ANO3: variants seen among roughly 807,000 people sequenced by gnomAD.
The protein encoded by ANO3 is anoctamin 3, also known as anoctamin-3.
In ANO3, 99 loss-of-function variants were observed where a neutral mutation model predicts 144.8. That is an observed-to-expected ratio of 0.68 (90% confidence interval 0.58 to 0.81). ANO3 has a LOEUF of 0.81. Ranked by LOEUF, ANO3 falls within the 30% of genes least tolerant of loss-of-function variation. ANO3 has a pLI of 0.00. For missense variants in ANO3, 905 were observed against 1,202.2 expected (o/e 0.75, Z 3.66); for synonymous variants, 414 against 392.6 (o/e 1.05, Z -0.64).
intron 1 of ANO3, among the ~76,000 whole-genome samples, chr11:26,209,864 G>C (rs530184627): frequency 7.9e-5 from 12 of 152,106 alleles, no homozygotes; most frequent in African/African-American, 2.9e-4. Context: ...ATTTGTTTAA[G>C]TTCTTTGTAG....
intron 26 of ANO3, 33 bp downstream of exon 26, chr11:26,656,514 G>C: frequency 7.6e-7 from 1 of 1,324,180 alleles, no homozygotes. Context: ...AATTACTATA[G>C]ATAAATGCTT....
At chr11:26,315,737 C>A (rs1854612415) in intron 1 of ANO3, among the ~76,000 whole-genome samples, 1 of 151,862 alleles carries the variant, frequency 6.6e-6, no homozygotes, top group African/African-American at 2.4e-5. Context: ...ACCTACCTAC[C>A]TAGCTATCTC....
intron 14 of ANO3, among the ~76,000 whole-genome samples, chr11:26,597,612 G>A (rs1188995141): frequency 6.6e-6 from 1 of 152,156 alleles, no homozygotes; most frequent in Admixed American, 6.5e-5. Flanking sequence ...GTGTGCAGTT[G>A]CAAGATTTAA....
At chr11:26,285,707 T>G (rs961829618) in intron 1 of ANO3, 1 of 152,212 alleles carries the variant, frequency 6.6e-6, no homozygotes, top group Non-Finnish European at 1.5e-5. Context: ...TAGAATCGTA[T>G]GTAATCATTC....
intron 14 of ANO3, among the ~76,000 whole-genome samples, chr11:26,595,844 G>C (rs1176187813): frequency 2.0e-5 from 3 of 152,058 alleles, no homozygotes; most frequent in Non-Finnish European, 4.4e-5. Flanking sequence ...TTTGATTTAG[G>C]ATAGCTCTGA....
intron 5 of ANO3, among the ~76,000 whole-genome samples, chr11:26,515,887 A>G (rs968326999): frequency 2.0e-5 from 3 of 152,032 alleles, no homozygotes; most frequent in African/African-American, 7.2e-5. Flanking sequence ...TAGAATGGAC[A>G]TAAACTTGTT....
intron 17 of ANO3, among the ~76,000 whole-genome samples, chr11:26,614,741 C>T (rs184744628): frequency 1.3e-5 from 2 of 152,254 alleles, no homozygotes; most frequent in African/African-American, 4.8e-5. Flanking sequence ...AGAAGTCCCC[C>T]TGACTCTGAG....
intron 14 of ANO3, among the ~76,000 whole-genome samples, chr11:26,595,457 G>GTTTTTTTTTTTTTTTTTTTTTTTTTT: frequency 1.5e-5 from 1 of 67,838 alleles, no homozygotes; most frequent in Non-Finnish European, 2.7e-5. Flanking sequence ...TTGAGATAGA[G>GTTTTTTTTTTTTTTTTTTTTTTTTTT]TTGTTTTTTT....
intron 4 of ANO3, among the ~76,000 whole-genome samples, chr11:26,475,104 A>G (rs944145887): frequency 2.0e-5 from 3 of 151,982 alleles, no homozygotes; most frequent in Non-Finnish European, 4.4e-5. Context: ...TGGTGGAAAG[A>G]GAATAATATA....
At chr11:26,329,159 A>C (rs1854968331), upstream of ANO3, among the ~76,000 whole-genome samples, 1 of 152,164 alleles carries the variant, frequency 6.6e-6, no homozygotes, top group Admixed American at 6.6e-5. Context: ...ATCCATTCTT[A>C]AACTGTCCAC....
chr11:26,477,252 C>T (rs111359919), intron 4 of ANO3, among the ~76,000 whole-genome samples: 3 of 152,064 alleles, frequency 2.0e-5, no homozygotes, highest in African/African-American at 7.2e-5. Flanking sequence ...AAGAATGGTC[C>T]TCAGATTTTA....
rs1473498653 is a variant in ANO3 at position 26,660,394 on chromosome 11, C to CAACA, written c.2898_2901dup (p.Gln968ThrfsTer13). Reference sequence around the variant, plus strand: ...GTATGAGGCTGAACTGGAACATTTGCAACAACAACGGAGAAAAAGTGGTCA... The same window carrying CAACA: ...GTATGAGGCTGAACTGGAACATTTGCAACAAACAACAACGGAGAAAAAGTGGTCA... On this transcript the variant is annotated frameshift_variant, in exon 27 of 27. Transcript: ENST00000256737. LOFTEE classifies it high-confidence loss of function. The CAACA allele has an allele frequency of 6.2e-7, 1 of 1,612,682 alleles. No individual in the cohort carries two copies. Among genetic ancestry groups the CAACA allele is most frequent in the South Asian group, 1.1e-5 (1 of 90,740 alleles).
At position 26,516,931 on chromosome 11, in the gene ANO3, C is replaced by A; in HGVS notation, c.692+4C>A. ...TGAATATCAGGATGCCCTTCAGGTA[C>A]TTTCAAATTTTACTTTATTTTATCT... On this transcript the variant is annotated splice_donor_region_variant and intron_variant, in intron 6 of 26. Transcript: ENST00000256737. 1.3e-6 allele frequency: 2 copies of A among 1,580,718 alleles called. No homozygotes were observed. Among genetic ancestry groups the A allele is most frequent in the Non-Finnish European group, 1.7e-6 (2 of 1,153,362 alleles).
intron 1 of ANO3, among the ~76,000 whole-genome samples, chr11:26,407,047 G>GGTGT (rs372391349): frequency 0.012 from 1,295 of 108,354 alleles, 25 homozygotes; most frequent in East Asian, 0.068. Flanking sequence ...TATATATATG[G>GGTGT]GTGTGTGTGT....
intron 26 of ANO3, 147 bp downstream of exon 26, chr11:26,656,628 T>C (rs1853698275): frequency 1.6e-6 from 1 of 616,454 alleles, no homozygotes; most frequent in Admixed American, 3.0e-5. Context: ...GAAAGCATTA[T>C]TACAAGTACA....
intron 4 of ANO3, among the ~76,000 whole-genome samples, chr11:26,485,393 C>T (rs1238449827): frequency 2.0e-5 from 3 of 151,986 alleles, no homozygotes; most frequent in Non-Finnish European, 4.4e-5. Flanking sequence ...GGGCACCTTC[C>T]TATTTGCTCT....
chr11:26,432,071 AT>A (rs1157605106), intron 1 of ANO3, among the ~76,000 whole-genome samples: 2 of 151,892 alleles, frequency 1.3e-5, no homozygotes, highest in Non-Finnish European at 2.9e-5. Context: ...AGCATCTGTT[AT>A]TTTTTGACAT....
In ANO3 at chr11:26,643,172, T is replaced by C; in HGVS notation, c.2276-10T>C. ...TTATATAGTAATTTCCTAATGCTCT[T>C]CTTTTGCAGTTTTGCAATTTGGTTT... is the stretch of plus-strand genomic sequence containing the variant. On this transcript the variant is annotated splice_polypyrimidine_tract_variant and intron_variant, in intron 22 of 26. Coordinates refer to ENST00000256737, the MANE Select transcript of ANO3 (RefSeq NM_031418.4). 5 of 1,613,478 alleles carry C rather than the reference T, an allele frequency of 3.1e-6. No homozygotes were observed. Among genetic ancestry groups the C allele is most frequent in the Non-Finnish European group, 4.2e-6 (5 of 1,179,772 alleles).
At chr11:26,374,865 T>C (rs1856361697) in intron 1 of ANO3, among the ~76,000 whole-genome samples, 1 of 152,206 alleles carries the variant, frequency 6.6e-6, no homozygotes, top group Admixed American at 6.5e-5. Context: ...TGACTAAGCC[T>C]CCTGAGTAAC....
Sources: allele counts gnomAD v4.1 joint callset (sites outside exome capture counted in the v4.1 genomes callset), GRCh38; gene constraint gnomAD v4.1.1; transcripts MANE v1.5; gene names NCBI Gene and HGNC (gene_info 2026-07-23, HGNC 2026-07-21).